Variants in SENP5 observed in about 807,000 individuals in gnomAD.
SENP5 encodes sentrin-specific protease 5.
In SENP5, 21 loss-of-function variants were observed where a neutral mutation model predicts 74.2. The observed-to-expected ratio is 0.28, with a 90% confidence interval of 0.20 to 0.41. SENP5 has a LOEUF of 0.41. Ranked by LOEUF, SENP5 falls within the 10% of genes least tolerant of loss-of-function variation. SENP5 has a pLI of 1.00. For missense variants in SENP5, 717 were observed against 889.1 expected, an observed-to-expected ratio of 0.81 and a Z score of 2.46; for synonymous variants, 311 against 312.7, an observed-to-expected ratio of 0.99 and a Z score of 0.06.
At chr3:196,929,768 G>A in intron 9 of SENP5, 85 bp downstream of exon 9, 1 of 894,708 alleles carries the variant, frequency 1.1e-6, no homozygotes. Flanking sequence ...GTTCCTGTAT[G>A]TGTATATGAT....
intron 2 of SENP5, among the ~76,000 whole-genome samples, chr3:196,887,044 C>T (rs1437718419): frequency 6.6e-6 from 1 of 152,164 alleles, no homozygotes; most frequent in African/African-American, 2.4e-5. Flanking sequence ...AAAAGTTGAA[C>T]CAGTTTACAT....
At chr3:196,888,972 C>T (rs934599533) in intron 2 of SENP5, among the ~76,000 whole-genome samples, 34 of 151,958 alleles carry the variant, frequency 2.2e-4, no homozygotes, top group African/African-American at 6.8e-4. Flanking sequence ...AAAAATTAGC[C>T]GGGCGTGGTG....
intron 1 of SENP5, among the ~76,000 whole-genome samples, chr3:196,872,688 C>CAT: frequency 6.6e-6 from 1 of 152,290 alleles, no homozygotes; most frequent in Admixed American, 6.5e-5. Flanking sequence ...CCACTAGCCA[C>CAT]ATGTAGCAGC....
At chr3:196,923,330 A>T in intron 6 of SENP5, 84 bp from the exon 7 acceptor site, 2 of 1,479,184 alleles carry the variant, frequency 1.4e-6, no homozygotes, top group African/African-American at 1.4e-5. Flanking sequence ...TGCAGGTCAA[A>T]GGTCAGCAAA....
At chr3:196,905,422 G>T (rs1714863202) in intron 6 of SENP5, among the ~76,000 whole-genome samples, 1 of 152,080 alleles carries the variant, frequency 6.6e-6, no homozygotes, top group Admixed American at 6.6e-5. Context: ...TGCCTCAAGA[G>T]TGCCCCCCAC....
At chr3:196,910,430 T>C (rs1715076965) in intron 6 of SENP5, among the ~76,000 whole-genome samples, 1 of 121,684 alleles carries the variant, frequency 8.2e-6, no homozygotes, top group African/African-American at 3.1e-5. Context: ...CACTGCAACC[T>C]CCACTTCCCG....
intron 5 of SENP5, 43 bp from the exon 6 acceptor site, chr3:196,903,490 A>T: frequency 8.0e-7 from 1 of 1,245,768 alleles, no homozygotes; most frequent in Non-Finnish European, 1.1e-6. Context: ...ATCTGGGCAC[A>T]GCCTAATATA....
intron 1 of SENP5, among the ~76,000 whole-genome samples, chr3:196,877,758 G>T (rs550332996): frequency 6.6e-6 from 1 of 152,144 alleles, no homozygotes; most frequent in South Asian, 2.1e-4. Context: ...TTGTGCTCTC[G>T]TGAGTTCTCT....
At chr3:196,922,779 G>A (rs772441228) in intron 6 of SENP5, among the ~76,000 whole-genome samples, 6 of 152,058 alleles carry the variant, frequency 3.9e-5, no homozygotes, top group Non-Finnish European at 8.8e-5. Context: ...ACACCACCAC[G>A]CCCGGTTAGT....
At chr3:196,898,276 T>C (rs1009651591) in intron 2 of SENP5, among the ~76,000 whole-genome samples, 1 of 151,758 alleles carries the variant, frequency 6.6e-6, no homozygotes, top group East Asian at 1.9e-4. Context: ...TAAGCACATA[T>C]ACATGTTACT....
chr3:196,882,966 A>G (rs560772784), intron 1 of SENP5, among the ~76,000 whole-genome samples: 2 of 150,636 alleles, frequency 1.3e-5, no homozygotes, highest in South Asian at 4.2e-4. Context: ...TATAGTCTCC[A>G]GAAAAGAATC....
intron 2 of SENP5, among the ~76,000 whole-genome samples, chr3:196,895,484 C>T (rs1714405327): frequency 6.8e-6 from 1 of 146,842 alleles, no homozygotes; most frequent in African/African-American, 2.5e-5. Context: ...CCGCGCCCGG[C>T]CTTACTTTAA....
chr3:196,897,984 C>T (rs1714515396), intron 2 of SENP5, among the ~76,000 whole-genome samples: 1 of 149,592 alleles, frequency 6.7e-6, no homozygotes, highest in African/African-American at 2.5e-5. Flanking sequence ...CCAGCCTGGC[C>T]AACATGGTGA....
chr3:196,890,998 C>T (rs150378045), intron 2 of SENP5, among the ~76,000 whole-genome samples: 19 of 152,208 alleles, frequency 1.2e-4, no homozygotes, highest in Admixed American at 1.2e-3. Context: ...AATGTGTACA[C>T]GAATGCTTGT....
At chr3:196,900,332 A>G in intron 4 of SENP5, 33 bp from the exon 5 acceptor site, 1 of 1,579,490 alleles carries the variant, frequency 6.3e-7, no homozygotes, top group South Asian at 1.2e-5. Flanking sequence ...ACTGGCAGAG[A>G]TAGTAAGCTG....
At position 196,886,196 on chromosome 3, in the gene SENP5, AGTTTAG is replaced by A. The variant is rs780057685; in HGVS notation, c.1016_1021del (p.Ser339_Asp341delinsAsn). On this transcript the variant is annotated inframe_deletion, in exon 2 of 10. Transcript: ENST00000323460. ...AAGCTCTTTCTTGGGCAAGGAGCTTAGTTTAGACGAAGCATTCCCTGACCAACAGAA... is the reference window on the plus strand; with the variant it reads ...AAGCTCTTTCTTGGGCAAGGAGCTTAACGAAGCATTCCCTGACCAACAGAA... The A allele has an allele frequency of 6.2e-6, 10 of 1,614,116 alleles. No individual in the cohort carries two copies. In the South Asian group the frequency reaches 9.9e-5, roughly 16 times the overall value.
intron 6 of SENP5, among the ~76,000 whole-genome samples, chr3:196,921,555 A>G (rs1715621923): frequency 6.6e-6 from 1 of 152,206 alleles, no homozygotes; most frequent in African/African-American, 2.4e-5. Flanking sequence ...AGAAGAATAT[A>G]CATCTGGTTT....
chr3:196,878,547 C>A (rs1370940128), intron 1 of SENP5, among the ~76,000 whole-genome samples: 3 of 152,098 alleles, frequency 2.0e-5, no homozygotes, highest in Non-Finnish European at 4.4e-5. Context: ...TCTTTCAAGT[C>A]TTTGAGGTAT....
intron 2 of SENP5, among the ~76,000 whole-genome samples, chr3:196,890,686 C>T (rs1560145849): frequency 6.6e-6 from 1 of 152,160 alleles, no homozygotes; most frequent in Non-Finnish European, 1.5e-5. Context: ...AAAGTTCTAA[C>T]CTCTATGTCA....
Sources: gnomAD v4.1 joint callset for allele counts (sites outside exome capture counted in the v4.1 genomes callset) on GRCh38, gnomAD v4.1.1 for gene constraint, MANE v1.5 for transcripts, NCBI Gene and HGNC (gene_info 2026-07-23, HGNC 2026-07-21) for gene names.